The following NRG1 variants were observed in gnomAD, a reference collection of about 807,000 sequenced individuals.
NRG1 encodes pro-neuregulin-1, membrane-bound isoform.
Under a neutral mutation model 63.8 loss-of-function variants are expected in NRG1, and 18 were observed. That is an observed-to-expected ratio of 0.28 (90% CI 0.19 to 0.42). NRG1 has a LOEUF of 0.42. Ranked by LOEUF, NRG1 falls within the 10% of genes least tolerant of loss-of-function variation. The probability of loss-of-function intolerance (pLI) is 1.00; values close to 1 mark genes in which losing one functional copy is unlikely to be tolerated. For synonymous variants in NRG1, 302 were observed against 301.3 expected (o/e 1.00, Z -0.02); for missense variants, 762 against 814.7 (o/e 0.94, Z 0.79).
At chr8:32,760,551 AGTCATCTC>A in intron 11 of NRG1, 145 bp downstream of exon 11, 9 of 1,459,460 alleles carry the variant, frequency 6.2e-6, no homozygotes, top group Admixed American at 2.7e-5. Context: ...TAGTTGATGA[AGTCATCTC>A]TTTGTTTGAC....
intron 1 of NRG1, among the ~76,000 whole-genome samples, chr8:32,464,319 G>C (rs1277776392): frequency 9.2e-6 from 1 of 108,836 alleles, no homozygotes; most frequent in Non-Finnish European, 1.7e-5. Context: ...ACACAGAACT[G>C]TTTTCTAGAT....
At chr8:32,069,347 C>T (rs1825394170) in intron 1 of NRG1, among the ~76,000 whole-genome samples, 1 of 152,118 alleles carries the variant, frequency 6.6e-6, no homozygotes, top group Middle Eastern at 3.2e-3. Flanking sequence ...TGAGCACGGG[C>T]TTTGAGGATT....
intron 1 of NRG1, among the ~76,000 whole-genome samples, chr8:31,908,918 G>A (rs571559417): frequency 7.2e-5 from 11 of 152,220 alleles, no homozygotes; most frequent in African/African-American, 2.6e-4. Flanking sequence ...ACCATGATAT[G>A]CTAGTATCTT....
chr8:31,662,119 A>C (rs62506876), intron 1 of NRG1, among the ~76,000 whole-genome samples: 1 of 152,120 alleles, frequency 6.6e-6, no homozygotes, highest in Admixed American at 6.5e-5. Context: ...ATTATAGAAC[A>C]TGGTCTGGCA....
At chr8:32,361,986 C>G (rs1807275294) in intron 1 of NRG1, among the ~76,000 whole-genome samples, 1 of 152,168 alleles carries the variant, frequency 6.6e-6, no homozygotes, top group Non-Finnish European at 1.5e-5. Context: ...CTCCCATGAG[C>G]TCTCCAGAGA....
chr8:32,370,259 A>G (rs538776322), intron 1 of NRG1, among the ~76,000 whole-genome samples: 18 of 152,360 alleles, frequency 1.2e-4, no homozygotes, highest in African/African-American at 3.8e-4. Flanking sequence ...CAGGGAAGTC[A>G]TATAGGTTTA....
chr8:32,284,072 C>T (rs904690827), intron 1 of NRG1, among the ~76,000 whole-genome samples: 1 of 152,150 alleles, frequency 6.6e-6, no homozygotes, highest in African/African-American at 2.4e-5. Flanking sequence ...CAAAGACTCT[C>T]TTGATCAGCC....
chr8:31,779,492 T>C (rs1819474395), intron 1 of NRG1, among the ~76,000 whole-genome samples: 1 of 152,152 alleles, frequency 6.6e-6, no homozygotes, highest in African/African-American at 2.4e-5. Context: ...GCCTGGCATT[T>C]TGTGCTATGT....
At chr8:32,387,323 A>G (rs1294504658) in intron 1 of NRG1, among the ~76,000 whole-genome samples, 1 of 152,226 alleles carries the variant, frequency 6.6e-6, no homozygotes, top group Non-Finnish European at 1.5e-5. Context: ...AGAAAGAGCT[A>G]ATGGTAGGGA....
chr8:32,252,689 G>A (rs905234861), intron 1 of NRG1, among the ~76,000 whole-genome samples: 1 of 152,084 alleles, frequency 6.6e-6, no homozygotes, highest in Admixed American at 6.6e-5. Context: ...CTCTCTTTTG[G>A]TTCCATATGA....
intron 1 of NRG1, among the ~76,000 whole-genome samples, chr8:32,258,733 A>G (rs1050656486): frequency 2.0e-5 from 3 of 152,128 alleles, no homozygotes; most frequent in Admixed American, 6.6e-5. Context: ...CACCCCCATG[A>G]TCCAATCACC....
At chr8:31,759,805 A>G (rs1337694061) in intron 1 of NRG1, among the ~76,000 whole-genome samples, 1 of 152,142 alleles carries the variant, frequency 6.6e-6, no homozygotes, top group Non-Finnish European at 1.5e-5. Context: ...AGGGAGAATT[A>G]ATATGTTTAC....
rs528033405 is a variant in NRG1, at chr8:32,282,977, A to G, written c.38-312851A>G. ...TATATATATGTGGTTTTGATCATAA[A>G]TAATGTATCAAAGACATATAATACC... is the stretch of plus-strand genomic sequence containing the variant. On this transcript the variant is annotated intron_variant, in intron 1 of 10. Transcript: ENST00000519301. Among the ~76,000 whole-genome samples the G allele has an allele frequency of 1.8e-4, 27 of 152,334 alleles. 2 individuals are homozygous for G. In the South Asian group the frequency reaches 5.6e-3, roughly 32 times the overall value.
At chr8:32,527,492 A>G (rs1319055519) in intron 1 of NRG1, among the ~76,000 whole-genome samples, 5 of 151,948 alleles carry the variant, frequency 3.3e-5, no homozygotes, top group Non-Finnish European at 4.4e-5. Context: ...TTGGAATAAT[A>G]GACATTGGAG....
intron 1 of NRG1, among the ~76,000 whole-genome samples, chr8:31,778,318 G>C (rs16878272): frequency 0.21 from 31,181 of 152,034 alleles, 4,320 homozygotes; most frequent in East Asian, 0.64. Flanking sequence ...GATCCTGGTG[G>C]AAGCATGAAG....
chr8:31,778,586 A>C (rs79863643), intron 1 of NRG1, among the ~76,000 whole-genome samples: 1,674 of 152,294 alleles, frequency 0.011, 35 homozygotes, highest in African/African-American at 0.038. Flanking sequence ...TCAACACTGA[A>C]CGTAGAAATG....
chr8:32,485,146 C>T (rs1825757938), intron 1 of NRG1, among the ~76,000 whole-genome samples: 1 of 140,020 alleles, frequency 7.1e-6, no homozygotes. Context: ...CAGATTTTCA[C>T]TCTTGTTGCC....
intron 1 of NRG1, among the ~76,000 whole-genome samples, chr8:32,004,423 C>G (rs1813427163): frequency 6.8e-6 from 1 of 147,874 alleles, no homozygotes; most frequent in Admixed American, 6.9e-5. Flanking sequence ...AATAATGTAT[C>G]AGTGTTGGTT....
At chr8:31,810,300 G>T (rs959663402) in intron 1 of NRG1, among the ~76,000 whole-genome samples, 1 of 151,990 alleles carries the variant, frequency 6.6e-6, no homozygotes, top group Non-Finnish European at 1.5e-5. Flanking sequence ...GTATTCAGCG[G>T]CCTCAGAGAA....
Sources: allele counts gnomAD v4.1 joint callset (sites outside exome capture counted in the v4.1 genomes callset), GRCh38; gene constraint gnomAD v4.1.1; transcripts MANE v1.5; gene names NCBI Gene and HGNC (gene_info 2026-07-23, HGNC 2026-07-21).